GRIN2B: variants seen among roughly 807,000 people sequenced by gnomAD.
GRIN2B encodes glutamate ionotropic receptor NMDA type subunit 2B, also known as glutamate receptor ionotropic, NMDA 2B.
A neutral mutation model predicts 114.5 loss-of-function variants in GRIN2B; 5 were observed. The observed-to-expected ratio is 0.04, with a 90% confidence interval of 0.02 to 0.09. The LOEUF is 0.09. Among genes scored for constraint, GRIN2B ranks in the 10% least tolerant of loss-of-function variants. The pLI is 1.00. For missense variants in GRIN2B, 1,108 were observed against 1,943.5 expected, an observed-to-expected ratio of 0.57 and a Z score of 8.08; for synonymous variants, 787 against 745.1, an observed-to-expected ratio of 1.06 and a Z score of -0.92.
chr12:13,916,450 T>A (rs1328646256), intron 2 of GRIN2B, among the ~76,000 whole-genome samples: 3 of 152,130 alleles, frequency 2.0e-5, no homozygotes, highest in Non-Finnish European at 4.4e-5. Flanking sequence ...AAATGTGTTG[T>A]GTGAATGGTT....
intron 13 of GRIN2B, among the ~76,000 whole-genome samples, chr12:13,566,623 TTAAAA>T (rs1442000126): frequency 2.0e-5 from 3 of 152,242 alleles, no homozygotes; most frequent in African/African-American, 7.2e-5. Context: ...CCTTTGTATG[TTAAAA>T]TAAGAGAGAT....
chr12:13,683,166 T>G (rs1950146957), intron 4 of GRIN2B, among the ~76,000 whole-genome samples: 1 of 152,132 alleles, frequency 6.6e-6, no homozygotes, highest in South Asian at 2.1e-4. Context: ...GAACTCATTC[T>G]CATTAGTAAG....
At chr12:13,970,270 A>C (rs1246656054) in intron 2 of GRIN2B, among the ~76,000 whole-genome samples, 1 of 152,224 alleles carries the variant, frequency 6.6e-6, no homozygotes, top group Non-Finnish European at 1.5e-5. Context: ...AGAAATGTCC[A>C]TATCGAACAC....
intron 5 of GRIN2B, among the ~76,000 whole-genome samples, chr12:13,654,382 C>T (rs941566520): frequency 1.3e-5 from 2 of 152,022 alleles, no homozygotes; most frequent in African/African-American, 4.8e-5. Flanking sequence ...AATGAAAGAC[C>T]CCAACAATGG....
At position 13,573,073 on chromosome 12, in the gene GRIN2B, G is replaced by A. The variant is rs1269874158; in HGVS notation, c.2011-1109C>T. On this transcript the variant is annotated intron_variant, in intron 10 of 13. Transcript: ENST00000609686. ...CTTGGGCAAGTAGCATAAACGCTCT[G>A]TGCATCCTGTCCTCATTTGTAAGAA... 4.7e-5 allele frequency among the ~76,000 whole-genome samples: 7 copies of A among 149,784 alleles called. 2 individuals are homozygous for A. Among genetic ancestry groups the A allele is most frequent in the Non-Finnish European group, 1.0e-4 (7 of 67,260 alleles).
chr12:13,876,533 G>A (rs1435988019), intron 2 of GRIN2B, among the ~76,000 whole-genome samples: 2 of 152,062 alleles, frequency 1.3e-5, no homozygotes, highest in Admixed American at 6.6e-5. Flanking sequence ...CAATCTCATG[G>A]GTAATGTAAA....
chr12:13,882,578 C>A lies in GRIN2B; in HGVS notation c.-18-16352G>T, dbSNP rs144257242. 4.1e-3 allele frequency among the ~76,000 whole-genome samples: 623 copies of A among 152,158 alleles called. 3 individuals carry two copies. The highest frequency in any genetic ancestry group is 7.7e-3 in the South Asian group (37 of 4,812). ...AGGCTCATCTCTAAAATATAAGCAA[C>A]AATGCCTCTTTCACAGCGTTGTGAG... On this transcript the variant is annotated intron_variant, in intron 2 of 13. Coordinates refer to ENST00000609686, the MANE Select transcript of GRIN2B (RefSeq NM_000834.5).
intron 4 of GRIN2B, among the ~76,000 whole-genome samples, chr12:13,722,241 C>T (rs776064565): frequency 1.3e-4 from 19 of 151,980 alleles, no homozygotes; most frequent in East Asian, 1.9e-4. Context: ...CAAAAGCAGA[C>T]GTGTGGTCAA....
intron 3 of GRIN2B, 31 bp downstream of exon 3, chr12:13,865,767 T>C: frequency 6.4e-7 from 1 of 1,564,096 alleles, no homozygotes; most frequent in Non-Finnish European, 8.8e-7. Flanking sequence ...GCACAAACCC[T>C]CAGGCCCTTC....
intron 12 of GRIN2B, among the ~76,000 whole-genome samples, chr12:13,568,600 C>T (rs1297238436): frequency 6.6e-6 from 1 of 152,188 alleles, no homozygotes; most frequent in Non-Finnish European, 1.5e-5. Flanking sequence ...GAGCAGACAA[C>T]TTCACCTGGA....
intron 3 of GRIN2B, among the ~76,000 whole-genome samples, chr12:13,794,219 A>G (rs28450731): frequency 2.0e-5 from 3 of 151,024 alleles, no homozygotes; most frequent in East Asian, 1.9e-4. Flanking sequence ...AAAAAAAAAA[A>G]AAAAGAAAAA....
chr12:13,801,150 T>C (rs1864504903), intron 3 of GRIN2B, among the ~76,000 whole-genome samples: 1 of 152,188 alleles, frequency 6.6e-6, no homozygotes, highest in Non-Finnish European at 1.5e-5. Context: ...CATATACTTA[T>C]TGATTGTAAA....
chr12:13,804,051 TTA>T (rs1864560170), intron 3 of GRIN2B, among the ~76,000 whole-genome samples: 1 of 152,200 alleles, frequency 6.6e-6, no homozygotes, highest in African/African-American at 2.4e-5. Context: ...ACTTGCCAAA[TTA>T]TATCTTTTCA....
chr12:13,699,415 T>C (rs764723524), intron 4 of GRIN2B, among the ~76,000 whole-genome samples: 4 of 152,122 alleles, frequency 2.6e-5, no homozygotes, highest in Non-Finnish European at 5.9e-5. Flanking sequence ...ATAAGAAATC[T>C]GCAAAAGAAT....
At chr12:13,765,077 T>C (rs773391777) in intron 3 of GRIN2B, among the ~76,000 whole-genome samples, 1 of 152,212 alleles carries the variant, frequency 6.6e-6, no homozygotes, top group Non-Finnish European at 1.5e-5. Flanking sequence ...TTCTGATCCA[T>C]GCTAACAAAA....
chr12:13,733,809 G>A (rs1205099595), intron 4 of GRIN2B, among the ~76,000 whole-genome samples: 2 of 152,136 alleles, frequency 1.3e-5, no homozygotes, highest in Non-Finnish European at 2.9e-5. Flanking sequence ...AAAAAACTTT[G>A]GAATCAGAAG....
intron 3 of GRIN2B, among the ~76,000 whole-genome samples, chr12:13,843,070 C>A (rs2136717358): frequency 7.1e-6 from 1 of 140,150 alleles, no homozygotes; most frequent in South Asian, 2.2e-4. Flanking sequence ...ATTTTAAGTT[C>A]CAGGATACAT....
At chr12:13,715,986 C>G (rs1950452005) in intron 4 of GRIN2B, among the ~76,000 whole-genome samples, 1 of 151,902 alleles carries the variant, frequency 6.6e-6, no homozygotes, top group Non-Finnish European at 1.5e-5. Context: ...ATTTACAAAT[C>G]ATTATCCTGT....
At chr12:13,721,424 G>T (rs969431768) in intron 4 of GRIN2B, among the ~76,000 whole-genome samples, 1 of 151,988 alleles carries the variant, frequency 6.6e-6, no homozygotes, top group Non-Finnish European at 1.5e-5. Flanking sequence ...CCTGGAAAAG[G>T]ATTAGGGTGA....
Sources: allele counts gnomAD v4.1 joint callset (sites outside exome capture counted in the v4.1 genomes callset), GRCh38; gene constraint gnomAD v4.1.1; transcripts MANE v1.5; gene names NCBI Gene and HGNC (gene_info 2026-07-23, HGNC 2026-07-21).